The following PPP1R9A variants were observed in gnomAD, a reference collection of about 807,000 sequenced individuals.
PPP1R9A encodes the protein protein phosphatase 1 regulatory subunit 9A, also known as neurabin-1.
PPP1R9A carries 59 observed loss-of-function variants against 141.9 expected under a neutral mutation model. That is an observed-to-expected ratio of 0.42 (90% CI 0.34 to 0.52). The LOEUF (loss-of-function observed/expected upper bound fraction) is 0.52, where lower values mean the gene tolerates loss of function less well. PPP1R9A is among the 20% of genes least tolerant of loss of function. The probability of loss-of-function intolerance (pLI) is 0.10; values close to 1 mark genes in which losing one functional copy is unlikely to be tolerated. For synonymous variants in PPP1R9A, 500 were observed against 569.7 expected, an observed-to-expected ratio of 0.88 and a Z score of 1.74; for missense variants, 1,444 against 1,611.9, an observed-to-expected ratio of 0.90 and a Z score of 1.78.
chr7:95,139,425 G>T (rs956411978), intron 4 of PPP1R9A, among the ~76,000 whole-genome samples: 1 of 152,142 alleles, frequency 6.6e-6, no homozygotes, highest in Admixed American at 6.5e-5. Flanking sequence ...TTTAAGATGA[G>T]ATTAGGGTGG....
At position 95,033,207 on chromosome 7, in the gene PPP1R9A, G is replaced by GT. The variant is rs1807941900; in HGVS notation, c.1396-78048dup. ...TTTTTTTTTTTTTTAGTAGAGACGG[G>GT]TTTTCACCGTGTTAGCCAGGATGGT... On this transcript the variant is annotated intron_variant, in intron 2 of 19. Coordinates refer to ENST00000433360, the MANE Select transcript of PPP1R9A (RefSeq NM_001166160.2). Among the ~76,000 whole-genome samples, 3 of 141,544 alleles carry GT rather than the reference G, an allele frequency of 2.1e-5. No individual in the cohort carries two copies. In the Admixed American group the frequency reaches 2.2e-4, roughly 10 times the overall value. 92.9% of individuals were successfully genotyped at this position (141,544 alleles called of 152,430 possible).
intron 2 of PPP1R9A, among the ~76,000 whole-genome samples, chr7:94,978,446 G>T (rs908104803): frequency 6.6e-6 from 1 of 152,170 alleles, no homozygotes; most frequent in African/African-American, 2.4e-5. Flanking sequence ...CTTCAGTAAA[G>T]TTATGAAAGC....
At chr7:95,275,433 G>A (rs1802990455) in intron 16 of PPP1R9A, among the ~76,000 whole-genome samples, 1 of 151,492 alleles carries the variant, frequency 6.6e-6, no homozygotes. Context: ...GATTGGGAGA[G>A]TAGATAATAA....
intron 2 of PPP1R9A, among the ~76,000 whole-genome samples, chr7:94,957,596 A>T (rs899711971): frequency 2.0e-5 from 3 of 152,224 alleles, no homozygotes; most frequent in East Asian, 1.9e-4. Context: ...CCTTTTCCAA[A>T]TGCTGACTGT....
intron 2 of PPP1R9A, among the ~76,000 whole-genome samples, chr7:95,016,560 A>T (rs1225027020): frequency 6.6e-6 from 1 of 152,182 alleles, no homozygotes; most frequent in African/African-American, 2.4e-5. Context: ...TTAACATCCT[A>T]AAGTCAATCA....
intron 2 of PPP1R9A, among the ~76,000 whole-genome samples, chr7:94,952,853 A>G (rs1253064691): frequency 6.6e-6 from 1 of 151,974 alleles, no homozygotes; most frequent in African/African-American, 2.4e-5. Flanking sequence ...GATTCTGGAT[A>G]TTAGCCCTTT....
chr7:95,074,446 G>A (rs1456581122), intron 2 of PPP1R9A, among the ~76,000 whole-genome samples: 1 of 149,996 alleles, frequency 6.7e-6, no homozygotes, highest in East Asian at 1.9e-4. Flanking sequence ...CTGTGTCAAA[G>A]ACTACATTGC....
chr7:95,006,491 G>A (rs896979216), intron 2 of PPP1R9A, among the ~76,000 whole-genome samples: 1 of 151,988 alleles, frequency 6.6e-6, no homozygotes, highest in Non-Finnish European at 1.5e-5. Flanking sequence ...AATTACAGGC[G>A]TGAACCACCT....
At chr7:95,101,951 C>T (rs927186283) in intron 2 of PPP1R9A, among the ~76,000 whole-genome samples, 6 of 152,102 alleles carry the variant, frequency 3.9e-5, no homozygotes, top group Non-Finnish European at 4.4e-5. Flanking sequence ...AGGAGAGCAT[C>T]CAGCCTGTTA....
chr7:95,000,144 T>G (rs780137936), intron 2 of PPP1R9A, among the ~76,000 whole-genome samples: 3 of 152,144 alleles, frequency 2.0e-5, no homozygotes, highest in Non-Finnish European at 4.4e-5. Context: ...GCAGTTCTGA[T>G]GTAGTTCTTT....
intron 2 of PPP1R9A, among the ~76,000 whole-genome samples, chr7:94,918,657 C>G (rs1008262878): frequency 5.3e-5 from 8 of 152,078 alleles, no homozygotes; most frequent in Non-Finnish European, 1.0e-4. Flanking sequence ...ATTCCCCTTC[C>G]TTCTTCATCC....
chr7:95,235,446 A>T (rs1478710312), intron 8 of PPP1R9A, among the ~76,000 whole-genome samples: 2 of 152,198 alleles, frequency 1.3e-5, no homozygotes, highest in Admixed American at 6.6e-5. Flanking sequence ...TTATCAGGGA[A>T]ATGTAAATCA....
chr7:95,148,619 A>G (rs1378770801), intron 4 of PPP1R9A, among the ~76,000 whole-genome samples: 2 of 151,714 alleles, frequency 1.3e-5, no homozygotes, highest in Non-Finnish European at 2.9e-5. Context: ...CAAGATGGGC[A>G]GATCACTTGA....
intron 2 of PPP1R9A, among the ~76,000 whole-genome samples, chr7:94,972,423 T>C (rs192565294): frequency 1.6e-4 from 25 of 152,140 alleles, no homozygotes; most frequent in East Asian, 3.9e-4. Flanking sequence ...TTTTTTTTTT[T>C]CCCTGCAAAT....
Position 95,040,485 on chromosome 7 carries a change from T to A in PPP1R9A, c.1396-70774T>A, listed in dbSNP as rs907719735. On this transcript the variant is annotated intron_variant, in intron 2 of 19. Coordinates refer to ENST00000433360, the MANE Select transcript of PPP1R9A (RefSeq NM_001166160.2). Reference sequence around the variant, plus strand: ...GAAACCTTGTTTCTACAAAAAAAAATTAAAAATAATACAGGATATTATTTT... The same window carrying A: ...GAAACCTTGTTTCTACAAAAAAAAAATAAAAATAATACAGGATATTATTTT... Among the ~76,000 whole-genome samples the A allele has an allele frequency of 9.9e-5, 15 of 151,956 alleles. No individual in the cohort carries two copies. The South Asian group carries it at 2.7e-3, about 27-fold the overall frequency.
chr7:94,921,103 T>C (rs1347203899), intron 2 of PPP1R9A, among the ~76,000 whole-genome samples: 2 of 152,158 alleles, frequency 1.3e-5, no homozygotes, highest in Non-Finnish European at 2.9e-5. Flanking sequence ...TTTTCATGGT[T>C]AGGGTCCACA....
intron 2 of PPP1R9A, 128 bp downstream of exon 2, chr7:94,911,636 ATCACCTGTTG>A: frequency 1.5e-6 from 1 of 682,468 alleles, no homozygotes; most frequent in Non-Finnish European, 2.4e-6. Flanking sequence ...TACCTTTAAA[ATCACCTGTTG>A]TCAGGTGATT....
chr7:94,990,980 C>T (rs1400176015), intron 2 of PPP1R9A, among the ~76,000 whole-genome samples: 1 of 152,010 alleles, frequency 6.6e-6, no homozygotes, highest in Non-Finnish European at 1.5e-5. Flanking sequence ...CATATCTTGG[C>T]TATTGTGAAT....
At chr7:94,979,626 A>C (rs1799852913) in intron 2 of PPP1R9A, among the ~76,000 whole-genome samples, 1 of 152,198 alleles carries the variant, frequency 6.6e-6, no homozygotes, top group Non-Finnish European at 1.5e-5. Flanking sequence ...ACCCCATGGA[A>C]GATCTCTGAA....
Sources: allele counts gnomAD v4.1 joint callset (sites outside exome capture counted in the v4.1 genomes callset), GRCh38; gene constraint gnomAD v4.1.1; transcripts MANE v1.5; gene names NCBI Gene and HGNC (gene_info 2026-07-23, HGNC 2026-07-21).